SLC16A7: variants seen among roughly 807,000 people sequenced by gnomAD.
SLC16A7 encodes the protein monocarboxylate transporter 2.
SLC16A7 carries 33 observed loss-of-function variants against 34.9 expected under a neutral mutation model. The ratio of observed to expected loss-of-function variants is 0.94; its 90% CI spans 0.72 to 1.26. The LOEUF is 1.26. SLC16A7 is among the 50% of genes most tolerant of loss of function. The pLI is 0.00. For missense variants in SLC16A7, 573 were observed against 578.1 expected, an observed-to-expected ratio of 0.99 and a Z score of 0.09; for synonymous variants, 201 against 206.6, an observed-to-expected ratio of 0.97 and a Z score of 0.23.
chr12:59,644,226 C>T (rs765227899), intron 1 of SLC16A7, among the ~76,000 whole-genome samples: 3 of 151,958 alleles, frequency 2.0e-5, no homozygotes, highest in Non-Finnish European at 2.9e-5. Context: ...GAAACTTTGC[C>T]GGATGTTAAC....
At chr12:59,689,244 A>G (rs1173521236) in intron 2 of SLC16A7, 3 of 152,000 alleles carry the variant, frequency 2.0e-5, no homozygotes, top group Non-Finnish European at 1.5e-5. Flanking sequence ...GTTTTCCCAT[A>G]TTATGATTAC....
chr12:59,730,640 A>T (rs562441130), intron 3 of SLC16A7, among the ~76,000 whole-genome samples: 1 of 152,200 alleles, frequency 6.6e-6, no homozygotes, highest in Non-Finnish European at 1.5e-5. Flanking sequence ...AGGACATTTT[A>T]TCTGAGTATC....
chr12:59,613,334 G>T (rs957817770), intron 1 of SLC16A7, among the ~76,000 whole-genome samples: 1 of 152,152 alleles, frequency 6.6e-6, no homozygotes, highest in Non-Finnish European at 1.5e-5. Context: ...CACCCACCAG[G>T]TCCCTTCCAT....
chr12:59,736,898 A>G (rs1022900729), intron 3 of SLC16A7, among the ~76,000 whole-genome samples: 1 of 152,084 alleles, frequency 6.6e-6, no homozygotes, highest in African/African-American at 2.4e-5. Flanking sequence ...CTTTTCCAAG[A>G]TATTTCCTGT....
intron 3 of SLC16A7, among the ~76,000 whole-genome samples, chr12:59,749,988 G>C (rs571476774): frequency 6.6e-6 from 1 of 152,292 alleles, no homozygotes; most frequent in East Asian, 1.9e-4. Flanking sequence ...TTAACAAATG[G>C]TGTGGGGAAA....
chr12:59,727,861 G>A (rs1876473472), intron 3 of SLC16A7, among the ~76,000 whole-genome samples: 1 of 152,078 alleles, frequency 6.6e-6, no homozygotes, highest in African/African-American at 2.4e-5. Flanking sequence ...TGACCATGCA[G>A]TATATAATAA....
chr12:59,635,840 A>G (rs1822748092), intron 1 of SLC16A7, among the ~76,000 whole-genome samples: 1 of 151,794 alleles, frequency 6.6e-6, no homozygotes, highest in Admixed American at 6.6e-5. Flanking sequence ...ACACTCAAAA[A>G]TCCCTGTTCT....
In SLC16A7 at chr12:59,716,932, G is replaced by A. The variant is rs994957850; in HGVS notation, c.217+11914G>A. 9.2e-5 allele frequency among the ~76,000 whole-genome samples: 14 copies of A among 152,236 alleles called. 1 individual carries two copies. The highest frequency in any genetic ancestry group is 3.1e-4 in the African/African-American group (13 of 41,550). On this transcript the variant is annotated intron_variant, in intron 3 of 5. Transcript: ENST00000547379. ...TTTTTGGTTCTATTAGGAAAAAATC[G>A]TATAGTAAGTTCAAAACATTTAGGC... is the stretch of plus-strand genomic sequence containing the variant.
At chr12:59,752,544 A>G (rs1473398524) in intron 3 of SLC16A7, among the ~76,000 whole-genome samples, 1 of 152,026 alleles carries the variant, frequency 6.6e-6, no homozygotes, top group Non-Finnish European at 1.5e-5. Context: ...GCAAGAAGGG[A>G]AGTTTAGAGA....
chr12:59,648,609 C>G (rs1398974073), intron 1 of SLC16A7, among the ~76,000 whole-genome samples: 1 of 151,900 alleles, frequency 6.6e-6, no homozygotes, highest in South Asian at 2.1e-4. Context: ...TGCAGCTGAA[C>G]AGAGAAAAAA....
chr12:59,719,793 G>T, intron 3 of SLC16A7: 1 of 307,336 alleles, frequency 3.3e-6, no homozygotes, highest in Non-Finnish European at 5.9e-6. Context: ...GCAAATTGGA[G>T]CAAATGCTGC....
At chr12:59,751,519 A>C (rs897873133) in intron 3 of SLC16A7, among the ~76,000 whole-genome samples, 10 of 152,158 alleles carry the variant, frequency 6.6e-5, no homozygotes, top group African/African-American at 2.4e-4. Flanking sequence ...GCAGTCTGAG[A>C]TCAAACTGCA....
intron 2 of SLC16A7, among the ~76,000 whole-genome samples, chr12:59,699,656 A>G (rs1170620891): frequency 6.6e-6 from 1 of 151,796 alleles, no homozygotes. Context: ...TGGGTTACAT[A>G]TAGATATAGA....
intron 2 of SLC16A7, among the ~76,000 whole-genome samples, chr12:59,672,728 T>G (rs531252639): frequency 4.8e-4 from 73 of 152,328 alleles, no homozygotes; most frequent in African/African-American, 1.7e-3. Context: ...ATTCTTTGGC[T>G]GACTTTGGAC....
intron 2 of SLC16A7, among the ~76,000 whole-genome samples, chr12:59,669,320 G>C (rs2137043800): frequency 6.6e-6 from 1 of 152,236 alleles, no homozygotes; most frequent in East Asian, 1.9e-4. Flanking sequence ...ATGTTAAAAA[G>C]TACAAGTTTG....
intron 2 of SLC16A7, among the ~76,000 whole-genome samples, chr12:59,683,858 T>C (rs565198631): frequency 3.9e-5 from 6 of 152,274 alleles, no homozygotes; most frequent in African/African-American, 1.4e-4. Flanking sequence ...AATAGTGATA[T>C]AGTAAGTGAG....
In SLC16A7 at chr12:59,596,267, A is replaced by T. The variant is rs1878388403; in HGVS notation, c.-130+31A>T. The T allele has an allele frequency of 6.5e-6, 1 of 152,782 alleles. No individual in the cohort carries two copies. Among genetic ancestry groups the T allele is most frequent in the Admixed American group, 6.6e-5 (1 of 15,266 alleles). The allele number at this position is 152,782 out of a possible 1,614,324, so 9.5% of individuals were successfully genotyped here. On this transcript the variant is annotated intron_variant, in intron 1 of 5. Transcript: ENST00000547379. The surrounding 1 kb of genome is among the most constrained non-coding windows in gnomAD (Gnocchi z 5.0). ...TACAGCTGGGGAGGGAGGGGAGAGG[A>T]GGAGGAGGAGGAGGAGGTGCCGGCT...
chr12:59,633,579 T>C (rs1402135487), intron 1 of SLC16A7, among the ~76,000 whole-genome samples: 1 of 151,822 alleles, frequency 6.6e-6, no homozygotes, highest in Non-Finnish European at 1.5e-5. Flanking sequence ...TTCAGCTTCA[T>C]AGCTCACTGT....
At position 59,785,077 on chromosome 12, in the gene SLC16A7, T is replaced by A. The variant is rs967893971; in HGVS notation, c.*5398T>A. The stretch of plus-strand genomic sequence containing the variant: ...AGATTTTGATTTCTGCACAACCATA[T>A]GCAGAACTCATGTTTGAGAAGGCAC... On this transcript the variant is annotated 3_prime_UTR_variant, in exon 6 of 6. Transcript: ENST00000547379. 6.6e-6 allele frequency: 1 copy of A among 152,200 alleles called. No homozygotes were observed. The highest frequency in any genetic ancestry group is 1.5e-5 in the Non-Finnish European group (1 of 68,026). 9.4% of individuals were successfully genotyped at this position (152,200 alleles called of 1,614,324 possible). A position where few individuals can be genotyped will look rare whatever the true frequency, so the allele number is the denominator to read the frequency against.
Sources: allele counts gnomAD v4.1 joint callset (sites outside exome capture counted in the v4.1 genomes callset), GRCh38; gene constraint gnomAD v4.1.1; non-coding constraint Gnocchi (gnomAD v3.1); transcripts MANE v1.5; gene names NCBI Gene and HGNC (gene_info 2026-07-23, HGNC 2026-07-21).